Variants in SBF2 observed in about 807,000 individuals in gnomAD.
SBF2 encodes the protein SET binding factor 2.
SBF2 carries 112 observed loss-of-function variants against 225.2 expected under a neutral mutation model. The observed-to-expected ratio is 0.50, with a 90% CI of 0.43 to 0.58. The LOEUF is 0.58. Among genes scored for constraint, SBF2 ranks in the 20% least tolerant of loss-of-function variants. The pLI, the probability that SBF2 is intolerant of heterozygous loss-of-function variation, is 0.00. For synonymous variants in SBF2, 763 were observed against 773.3 expected (o/e 0.99, Z 0.22); for missense variants, 1,996 against 2,206.2 (o/e 0.90, Z 1.91).
rs569118535 is a variant in SBF2, at chr11:10,133,446, C to A, written c.141+60456G>T. Among the ~76,000 whole-genome samples the A allele has an allele frequency of 3.0e-4, 44 of 147,434 alleles. 6 individuals carry two copies. The highest frequency in any genetic ancestry group is 1.0e-3 in the African/African-American group (42 of 40,394). ...GGCGGGCTGCAGGTCCCGAGCCCTGCCCCGTGGGAGGGCAGCCAAGGCCCA... is the reference window on the plus strand; with the variant it reads ...GGCGGGCTGCAGGTCCCGAGCCCTGACCCGTGGGAGGGCAGCCAAGGCCCA... On this transcript the variant is annotated intron_variant, in intron 2 of 39. Transcript: ENST00000256190.
At chr11:10,202,837 C>T (rs1047975123) in intron 1 of SBF2, among the ~76,000 whole-genome samples, 2 of 152,134 alleles carry the variant, frequency 1.3e-5, no homozygotes, top group Non-Finnish European at 2.9e-5. Flanking sequence ...TCTACCTCAT[C>T]CAAGGTGAAG....
chr11:9,848,066 G>A (rs1856679300), intron 22 of SBF2, among the ~76,000 whole-genome samples: 1 of 150,036 alleles, frequency 6.7e-6, no homozygotes, highest in Non-Finnish European at 1.5e-5. Context: ...AATGAACAAG[G>A]CCTCCCAGCT....
chr11:9,826,766 T>C (rs1403161094), intron 28 of SBF2, among the ~76,000 whole-genome samples: 2 of 151,686 alleles, frequency 1.3e-5, no homozygotes, highest in African/African-American at 2.4e-5. Context: ...TGTGTGTGTA[T>C]GTATATATAT....
intron 2 of SBF2, among the ~76,000 whole-genome samples, chr11:10,091,881 TAGG>T (rs1440165561): frequency 2.6e-5 from 4 of 152,234 alleles, no homozygotes; most frequent in Admixed American, 2.6e-4. Flanking sequence ...GGTAGATTTC[TAGG>T]AGTTTTTGAG....
chr11:10,153,098 C>T (rs1028983647), intron 2 of SBF2, among the ~76,000 whole-genome samples: 2 of 152,258 alleles, frequency 1.3e-5, no homozygotes, highest in African/African-American at 4.8e-5. Context: ...AGTGGGATGT[C>T]CCTGACACTT....
intron 6 of SBF2, among the ~76,000 whole-genome samples, chr11:10,010,498 C>T (rs1948399980): frequency 6.6e-6 from 1 of 152,138 alleles, no homozygotes; most frequent in Non-Finnish European, 1.5e-5. Context: ...ATAGGGAATC[C>T]TTCCTCCATT....
intron 1 of SBF2, among the ~76,000 whole-genome samples, chr11:10,286,170 AC>A (rs1963766785): frequency 1.2e-5 from 1 of 83,422 alleles, no homozygotes; most frequent in Non-Finnish European, 3.4e-5. Context: ...GCACACGCAC[AC>A]ACACACACAC....
intron 19 of SBF2, 51 bp from the exon 20 acceptor site, chr11:9,853,763 G>C (rs748921654): frequency 6.6e-7 from 1 of 1,517,366 alleles, no homozygotes; most frequent in Non-Finnish European, 9.2e-7. Flanking sequence ...TGCAACAAAT[G>C]ACTACTATAT....
At chr11:10,081,914 A>AATAAAAC (rs1951383167) in intron 2 of SBF2, among the ~76,000 whole-genome samples, 1 of 152,090 alleles carries the variant, frequency 6.6e-6, no homozygotes, top group African/African-American at 2.4e-5. Context: ...AGACCAAAAA[A>AATAAAAC]ATAAAACATA....
intron 2 of SBF2, among the ~76,000 whole-genome samples, chr11:10,047,185 T>A (rs368772780): frequency 2.0e-5 from 3 of 152,242 alleles, no homozygotes; most frequent in East Asian, 3.9e-4. Context: ...ACTGACAAAA[T>A]GTCAGTTTGT....
chr11:9,882,546 T>C (rs146284696), intron 17 of SBF2, among the ~76,000 whole-genome samples: 2,868 of 152,222 alleles, frequency 0.019, 27 homozygotes, highest in South Asian at 0.032. Flanking sequence ...TGGTGGCTCA[T>C]GTCTGTAATC....
chr11:9,861,681 A>G (rs1465889242), intron 17 of SBF2, among the ~76,000 whole-genome samples: 2 of 151,716 alleles, frequency 1.3e-5, no homozygotes, highest in Non-Finnish European at 1.5e-5. Flanking sequence ...AAAAAAAAAA[A>G]AATGTTTCTT....
chr11:9,909,590 A>G (rs943116638), intron 16 of SBF2, among the ~76,000 whole-genome samples: 1 of 151,394 alleles, frequency 6.6e-6, no homozygotes, highest in Non-Finnish European at 1.5e-5. Context: ...GAATGGCATG[A>G]ACCCGGGAGG....
At chr11:9,957,043 A>G (rs1866219361) in intron 16 of SBF2, 1 of 152,206 alleles carries the variant, frequency 6.6e-6, no homozygotes, top group Non-Finnish European at 1.5e-5. Flanking sequence ...TAATATATCA[A>G]AAGTCCTGCT....
chr11:9,914,237 T>C (rs1306973913), intron 16 of SBF2, among the ~76,000 whole-genome samples: 2 of 152,072 alleles, frequency 1.3e-5, no homozygotes, highest in African/African-American at 4.8e-5. Context: ...ACAATATAAG[T>C]AGAAAGATGG....
Position 10,053,260 on chromosome 11 carries a change from A to G in SBF2, c.142-10279T>C, listed in dbSNP as rs1435459806. ...TTAATGCTGAAATAAGCATAGTACT[A>G]TATAAATATTTCCAGATATGTCTTT... On this transcript the variant is annotated intron_variant, in intron 2 of 39. Transcript: ENST00000256190. Among the ~76,000 whole-genome samples the G allele has an allele frequency of 1.6e-4, 25 of 152,160 alleles. 1 individual carries two copies. Among genetic ancestry groups the G allele is most frequent in the Admixed American group, 1.6e-3 (25 of 15,266 alleles).
intron 16 of SBF2, among the ~76,000 whole-genome samples, chr11:9,954,535 A>T (rs1228290966): frequency 6.6e-6 from 1 of 152,220 alleles, no homozygotes; most frequent in African/African-American, 2.4e-5. Flanking sequence ...ACAACGTTCA[A>T]CAACAGCATG....
intron 1 of SBF2, among the ~76,000 whole-genome samples, chr11:10,210,346 A>T (rs570230655): frequency 1.8e-4 from 28 of 151,832 alleles, no homozygotes; most frequent in African/African-American, 4.6e-4. Flanking sequence ...AGAAGAAGAG[A>T]AGAGGAAGAA....
chr11:10,083,384 C>A (rs1951440578), intron 2 of SBF2, among the ~76,000 whole-genome samples: 1 of 152,066 alleles, frequency 6.6e-6, no homozygotes, highest in Non-Finnish European at 1.5e-5. Context: ...AAAAAATAAT[C>A]CTAAAATTCA....
Sources: gnomAD v4.1 joint callset for allele counts (sites outside exome capture counted in the v4.1 genomes callset) on GRCh38, gnomAD v4.1.1 for gene constraint, MANE v1.5 for transcripts, NCBI Gene and HGNC (gene_info 2026-07-23, HGNC 2026-07-21) for gene names.